The following PCDH7 variants were observed in gnomAD, a reference collection of about 807,000 sequenced individuals.
PCDH7 encodes protocadherin 7.
Under a neutral mutation model 58.9 loss-of-function variants are expected in PCDH7, and 17 were observed. The ratio of observed to expected loss-of-function variants is 0.29; its 90% CI spans 0.20 to 0.43. The LOEUF (loss-of-function observed/expected upper bound fraction) is 0.43, where lower values mean the gene tolerates loss of function less well. Ranked by LOEUF, PCDH7 falls within the 20% of genes least tolerant of loss-of-function variation. The probability of loss-of-function intolerance (pLI) is 1.00; values close to 1 mark genes in which losing one functional copy is unlikely to be tolerated. For missense variants in PCDH7, 1,274 were observed against 1,441.0 expected, an observed-to-expected ratio of 0.88 and a Z score of 1.88; for synonymous variants, 664 against 616.4, an observed-to-expected ratio of 1.08 and a Z score of -1.14.
intron 3 of PCDH7, among the ~76,000 whole-genome samples, chr4:30,976,793 T>A (rs911334106): frequency 6.6e-6 from 1 of 152,182 alleles, no homozygotes; most frequent in African/African-American, 2.4e-5. Context: ...TTTATCTCAT[T>A]CTTGACAGGA....
intron 1 of PCDH7, among the ~76,000 whole-genome samples, chr4:30,756,299 A>G (rs752377587): frequency 6.6e-6 from 1 of 152,010 alleles, no homozygotes; most frequent in Non-Finnish European, 1.5e-5. Context: ...CATGACCCAG[A>G]CACCTCCCAC....
chr4:30,904,316 C>T (rs1740624620), intron 1 of PCDH7, among the ~76,000 whole-genome samples: 1 of 152,124 alleles, frequency 6.6e-6, no homozygotes, highest in South Asian at 2.1e-4. Context: ...TGGAGGCTCT[C>T]TTGCCTTTCA....
intron 3 of PCDH7, among the ~76,000 whole-genome samples, chr4:31,101,821 T>C (rs1714929368): frequency 1.3e-5 from 2 of 152,226 alleles, no homozygotes. Context: ...TACAGATATA[T>C]GAGATGTTCC....
chr4:31,026,547 C>A (rs749944387), intron 3 of PCDH7, among the ~76,000 whole-genome samples: 1 of 152,272 alleles, frequency 6.6e-6, no homozygotes, highest in South Asian at 2.1e-4. Context: ...TTATGTATTC[C>A]CTTTAAAGCT....
chr4:30,896,259 G>T (rs1388441826), intron 1 of PCDH7, among the ~76,000 whole-genome samples: 1 of 152,016 alleles, frequency 6.6e-6, no homozygotes, highest in Non-Finnish European at 1.5e-5. Flanking sequence ...CTAAATTCTT[G>T]CTGTGAAGTT....
chr4:30,885,522 C>T (rs1399553615), intron 1 of PCDH7, among the ~76,000 whole-genome samples: 1 of 151,984 alleles, frequency 6.6e-6, no homozygotes, highest in East Asian at 1.9e-4. Flanking sequence ...GATACTGTCT[C>T]TCTGTGTGTG....
intron 1 of PCDH7, among the ~76,000 whole-genome samples, chr4:30,752,992 G>T (rs1718774020): frequency 6.6e-6 from 1 of 152,046 alleles, no homozygotes; most frequent in African/African-American, 2.4e-5. Context: ...TTTGAACTTG[G>T]TGTCATGGAT....
intron 2 of PCDH7, among the ~76,000 whole-genome samples, chr4:30,940,285 A>G (rs1171269468): frequency 6.6e-6 from 1 of 151,936 alleles, no homozygotes; most frequent in Non-Finnish European, 1.5e-5. Context: ...TTCTGAACTG[A>G]TTTTGATTGA....
At position 30,723,913 on chromosome 4, in the gene PCDH7, A is replaced by T; in HGVS notation, c.2491A>T (p.Thr831Ser). The change falls in exon 1 of 2, where the codon ACC (threonine) becomes TCC (serine). Residue 831 changes from threonine to serine, a missense_variant. Physicochemically the swap from Thr to Ser is moderately conservative, Grantham distance 58. Coordinates refer to ENST00000361762, the Ensembl canonical transcript of PCDH7. This position sits in a 1 kb window ranked among gnomAD's most constrained non-coding sequence, Gnocchi z 4.6. ...TGACAGTGGGCAGCCTTCCCAGTCC[A>T]CCACGACTCTGGTGCACGTGTTTGT... 1.9e-6 allele frequency: 3 copies of T among 1,613,916 alleles called. No individual in the cohort carries two copies. Among genetic ancestry groups the T allele is most frequent in the South Asian group, 1.1e-5 (1 of 91,062 alleles).
chr4:31,032,247 C>T (rs1754991063), intron 3 of PCDH7, among the ~76,000 whole-genome samples: 1 of 152,154 alleles, frequency 6.6e-6, no homozygotes, highest in South Asian at 2.1e-4. Context: ...AGAGAATCCT[C>T]ATGTGGCTCA....
At chr4:30,885,230 T>A (rs558442509) in intron 1 of PCDH7, 1 of 152,308 alleles carries the variant, frequency 6.6e-6, no homozygotes, top group Non-Finnish European at 1.5e-5. Context: ...ACATTTTGAT[T>A]AAGAGACAGG....
chr4:30,734,839 G>GT (rs1450766946), downstream of PCDH7, among the ~76,000 whole-genome samples: 2 of 152,126 alleles, frequency 1.3e-5, no homozygotes, highest in Non-Finnish European at 2.9e-5. Context: ...GGAATATGGG[G>GT]TGGCTATTTT....
chr4:30,953,672 G>A (rs1371487519), intron 3 of PCDH7, among the ~76,000 whole-genome samples: 1 of 152,018 alleles, frequency 6.6e-6, no homozygotes, highest in East Asian at 1.9e-4. Flanking sequence ...ATAAACATGA[G>A]TATGTGTTAA....
intron 3 of PCDH7, among the ~76,000 whole-genome samples, chr4:31,040,984 G>A (rs1755815442): frequency 6.6e-6 from 1 of 151,734 alleles, no homozygotes; most frequent in South Asian, 2.1e-4. Context: ...AAAAATATTT[G>A]TCCACTTTCT....
intron 3 of PCDH7, among the ~76,000 whole-genome samples, chr4:31,115,307 A>G (rs577734789): frequency 2.0e-5 from 3 of 152,238 alleles, no homozygotes; most frequent in Admixed American, 2.0e-4. Context: ...GTTAACTGGT[A>G]TTATCAATCC....
At chr4:31,005,320 C>A (rs1445876057) in intron 3 of PCDH7, among the ~76,000 whole-genome samples, 1 of 152,068 alleles carries the variant, frequency 6.6e-6, no homozygotes, top group East Asian at 1.9e-4. Context: ...GAGTTTAACA[C>A]TGAAAGTGAT....
intron 1 of PCDH7, among the ~76,000 whole-genome samples, chr4:30,815,293 G>A (rs1449738877): frequency 1.3e-5 from 2 of 152,018 alleles, no homozygotes; most frequent in Non-Finnish European, 2.9e-5. Flanking sequence ...ATTAGGCTGA[G>A]GGGCAGAAAT....
chr4:31,053,016 C>T lies in PCDH7; in HGVS notation c.*8-89457C>T, dbSNP rs114414800. Among the ~76,000 whole-genome samples the T allele has an allele frequency of 5.4e-3, 821 of 151,968 alleles. 6 individuals are homozygous for T. Among genetic ancestry groups the T allele is most frequent in the Non-Finnish European group, 9.0e-3 (609 of 67,972 alleles). On this transcript the variant is annotated intron_variant, in intron 3 of 3. Transcript: ENST00000509759. ...AGTCAAATTACTTTTTTTTTACCAG[C>T]GCTTTCTTTAATGGCTTTTTTTGAG...
chr4:30,968,367 A>AGTGTG, intron 3 of PCDH7, among the ~76,000 whole-genome samples: 3 of 124,836 alleles, frequency 2.4e-5, no homozygotes, highest in African/African-American at 9.0e-5. Context: ...CACTATATAT[A>AGTGTG]TACACACACT....
Sources: gnomAD v4.1 joint callset for allele counts (sites outside exome capture counted in the v4.1 genomes callset) on GRCh38, gnomAD v4.1.1 for gene constraint, Gnocchi (gnomAD v3.1) non-coding constraint, MANE v1.5 for transcripts, NCBI Gene and HGNC (gene_info 2026-07-23, HGNC 2026-07-21) for gene names.